The following MORC1 variants were observed in gnomAD, a reference collection of about 807,000 sequenced individuals.
MORC1 encodes the protein MORC family CW-type zinc finger 1, also known as MORC family CW-type zinc finger protein 1.
A neutral mutation model predicts 134.9 loss-of-function variants in MORC1; 59 were observed. That is an observed-to-expected ratio of 0.44 (90% CI 0.35 to 0.54). The LOEUF (loss-of-function observed/expected upper bound fraction) is 0.54. Ranked by LOEUF, MORC1 falls within the 20% of genes least tolerant of loss-of-function variation. The pLI is 0.00. For missense variants in MORC1, 947 were observed against 1,134.5 expected, an observed-to-expected ratio of 0.83 and a Z score of 2.37; for synonymous variants, 395 against 391.7, an observed-to-expected ratio of 1.01 and a Z score of -0.10.
At chr3:109,110,674 T>C (rs2107802211) in intron 3 of MORC1, 75 bp downstream of exon 3, 3 of 1,255,058 alleles carry the variant, frequency 2.4e-6, no homozygotes, top group Non-Finnish European at 3.4e-6. Context: ...TTTTATTTCA[T>C]GAAATAAAAT....
chr3:109,043,038 G>A (rs1216473046), intron 14 of MORC1, among the ~76,000 whole-genome samples: 2 of 151,936 alleles, frequency 1.3e-5, no homozygotes, highest in African/African-American at 4.8e-5. Context: ...AATATGTTAT[G>A]TACTTGAAAA....
chr3:109,073,910 AT>A (rs964848988), intron 8 of MORC1, among the ~76,000 whole-genome samples: 1 of 152,112 alleles, frequency 6.6e-6, no homozygotes, highest in Non-Finnish European at 1.5e-5. Flanking sequence ...CGAAGAGGTA[AT>A]TTTTTTAAAA....
intron 26 of MORC1, among the ~76,000 whole-genome samples, chr3:108,967,766 C>A (rs1456385810): frequency 6.6e-6 from 1 of 151,974 alleles, no homozygotes; most frequent in Non-Finnish European, 1.5e-5. Context: ...GCCAGGAGGA[C>A]TGCTGGAACC....
chr3:109,034,394 C>T (rs1949321637), intron 15 of MORC1, among the ~76,000 whole-genome samples: 1 of 152,100 alleles, frequency 6.6e-6, no homozygotes, highest in Admixed American at 6.6e-5. Flanking sequence ...TAACTCCCTG[C>T]CCCTTTGTGT....
At chr3:109,052,999 A>G (rs1225790684) in intron 14 of MORC1, among the ~76,000 whole-genome samples, 1 of 152,112 alleles carries the variant, frequency 6.6e-6, no homozygotes, top group African/African-American at 2.4e-5. Flanking sequence ...CATGCAGCCA[A>G]CAAACATGAA....
In MORC1 at chr3:109,069,823, A is replaced by G. The variant is rs1420426685; in HGVS notation, c.690-66T>C. 10 of 1,488,168 alleles carry G rather than the reference A, an allele frequency of 6.7e-6. No homozygotes were observed. The East Asian group carries it at 1.9e-4, about 28-fold the overall frequency. 92.2% of individuals were successfully genotyped at this position (1,488,168 alleles called of 1,614,324 possible). ...AACAACTACATCTCTTTGAGAAGAA[A>G]TAACATCAGACTATCAGGTTATTAT... On this transcript the variant is annotated intron_variant, in intron 8 of 27. Transcript: ENST00000232603.
At position 108,979,585 on chromosome 3, in the gene MORC1, C is replaced by G. The variant is rs1296113727; in HGVS notation, c.2407G>C (p.Ala803Pro). 1 of 1,614,190 alleles carries G rather than the reference C, an allele frequency of 6.2e-7. No individual in the cohort carries two copies. The highest frequency in any genetic ancestry group is 8.5e-7 in the Non-Finnish European group (1 of 1,180,006). ...RVSVSGSCKVASSPASSQSTP... is the reference protein window; with the variant it reads ...RVSVSGSCKVPSSPASSQSTP... ...CTTTGAGAAGACGCTGGCGAAGAAG[C>G]AACTTTACAACTGCCACTCACAGAA... The change falls in exon 24 of 28, where the codon GCT (alanine) becomes CCT (proline). Residue 803 changes from alanine (A) to proline (P), a missense_variant. Ala to Pro is a conservative substitution (Grantham distance 27). Around this residue, in one of 3 missense-constraint regions of MORC1, gnomAD observed 722 missense variants for 817.0 expected, o/e 0.88. Transcript: ENST00000232603.
rs757210481 is a variant in MORC1, at chr3:109,099,371, T to C, written c.410A>G (p.Glu137Gly). ...VFFSQTFCEE[E>G]SLSEVVVPMP... ...TTCAACTCTTACCTCACTAAGACTT[T>C]CTTCTTCACAGAATGTCTGAGAAAA... The change falls in exon 6 of 28, where the codon GAA becomes GGA. Residue 137 changes from glutamate (E) to glycine (G), a missense_variant. Physicochemically the swap from Glu to Gly is moderately conservative, Grantham distance 98. Coordinates refer to ENST00000232603, the MANE Select transcript of MORC1 (RefSeq NM_014429.4). The C allele has an allele frequency of 1.9e-6, 3 of 1,610,246 alleles. No individual in the cohort carries two copies. The highest frequency in any genetic ancestry group is 2.5e-6 in the Non-Finnish European group (3 of 1,178,596).
intron 24 of MORC1, among the ~76,000 whole-genome samples, chr3:108,977,367 T>C (rs1216819423): frequency 1.3e-5 from 2 of 152,206 alleles, no homozygotes; most frequent in Non-Finnish European, 2.9e-5. Context: ...ATAGCTATTA[T>C]TGTTATAGCT....
At position 109,005,292 on chromosome 3, in the gene MORC1, G is replaced by C; in HGVS notation, c.1791C>G (p.Ile597Met). 1 of 1,593,842 alleles carries C rather than the reference G, an allele frequency of 6.3e-7. No homozygotes were observed. The highest frequency in any genetic ancestry group is 8.5e-7 in the Non-Finnish European group (1 of 1,174,824). The change falls in exon 19 of 28, where the codon ATC becomes ATG. Residue 597 changes from isoleucine (I) to methionine (M), a missense_variant. Ile to Met is a conservative substitution (Grantham distance 10). This residue lies in a region of MORC1 where 722 missense variants were observed against 817.0 expected (regional missense o/e 0.88). Transcript: ENST00000232603. ...AHKENTKTQK[I>M]RLLGDDLKHE... ...GCTTCAAGTCATCGCCCAAAAGCCT[G>C]ATTTTCTGGGTTTTGGTATTTTCCT...
chr3:109,086,405 T>C (rs1950618093), intron 8 of MORC1, among the ~76,000 whole-genome samples: 1 of 151,922 alleles, frequency 6.6e-6, no homozygotes, highest in Non-Finnish European at 1.5e-5. Flanking sequence ...GTCGAGTTGA[T>C]GGAGAAAGGA....
intron 4 of MORC1, among the ~76,000 whole-genome samples, chr3:109,102,540 C>A (rs778985934): frequency 9.2e-5 from 14 of 152,146 alleles, no homozygotes; most frequent in Non-Finnish European, 2.1e-4. Flanking sequence ...ATTGATCTAG[C>A]TCCGTTTGAA....
intron 11 of MORC1, among the ~76,000 whole-genome samples, chr3:109,061,068 C>T (rs1195843882): frequency 1.3e-5 from 2 of 152,012 alleles, no homozygotes; most frequent in East Asian, 3.9e-4. Context: ...CCACGAGCTA[C>T]TCTTTGATGT....
rs761517512 is a variant in MORC1, at chr3:109,099,392, G to GA, written c.388dup (p.Ser130PhefsTer6). 8.7e-6 allele frequency: 14 copies of GA among 1,611,872 alleles called. No individual in the cohort carries two copies. The African/African-American group carries it at 1.5e-4, about 17-fold the overall frequency. ...ACTTTCTTCTTCACAGAATGTCTGA[G>GA]AAAAAAACACACAGGTCATCGTTTC... is the stretch of plus-strand genomic sequence containing the variant. On this transcript the variant is annotated frameshift_variant, in exon 6 of 28. Coordinates refer to ENST00000232603, the MANE Select transcript of MORC1 (RefSeq NM_014429.4). LOFTEE classifies it high-confidence loss of function.
Position 109,062,016 on chromosome 3 carries a change from C to T in MORC1, c.938G>A (p.Cys313Tyr). Residue 313 changes from cysteine (C) to tyrosine (Y), a missense_variant, in exon 11 of 28, where the codon TGT (cysteine) becomes TAT (tyrosine). Physicochemically the swap from Cys to Tyr is radical, Grantham distance 194 (BLOSUM62 -2). Coordinates refer to ENST00000232603, the MANE Select transcript of MORC1 (RefSeq NM_014429.4). ...GGCAGAAGATAAAGAGGTTCTGTCACACTGGTTTACTTTGATTTGTGCTTC... is the reference window on the plus strand; with the variant it reads ...GGCAGAAGATAAAGAGGTTCTGTCATACTGGTTTACTTTGATTTGTGCTTC... ...LKEAQIKVNQ[C>Y]DRTSLSSAKD... 3.7e-6 allele frequency: 6 copies of T among 1,614,078 alleles called. No homozygotes were observed. Among genetic ancestry groups the T allele is most frequent in the Non-Finnish European group, 5.1e-6 (6 of 1,179,982 alleles).
intron 7 of MORC1, among the ~76,000 whole-genome samples, chr3:109,094,164 A>G (rs1055556756): frequency 3.9e-5 from 6 of 152,202 alleles, no homozygotes; most frequent in African/African-American, 1.4e-4. Context: ...AAGAACAGGT[A>G]TGGGGCCACA....
At chr3:109,078,108 T>A (rs911483540) in intron 8 of MORC1, among the ~76,000 whole-genome samples, 2 of 151,990 alleles carry the variant, frequency 1.3e-5, no homozygotes, top group African/African-American at 2.4e-5. Flanking sequence ...AAATACAAAA[T>A]GTATGTACAT....
intron 9 of MORC1, 53 bp from the exon 10 acceptor site, chr3:109,063,284 A>G: frequency 6.9e-6 from 8 of 1,157,900 alleles, no homozygotes; most frequent in East Asian, 2.4e-5. Context: ...TTTAAAATAC[A>G]TAAGACAATA....
intron 12 of MORC1, among the ~76,000 whole-genome samples, chr3:109,059,564 C>CTT (rs999460852): frequency 6.6e-6 from 1 of 151,426 alleles, no homozygotes; most frequent in Non-Finnish European, 1.5e-5. Context: ...TAATTTTTCA[C>CTT]TTTTTTTTTG....
Sources: gnomAD v4.1 joint callset for allele counts (sites outside exome capture counted in the v4.1 genomes callset) on GRCh38, gnomAD v4.1.1 for gene constraint, gnomAD v4.1.1 regional missense constraint, MANE v1.5 for transcripts, NCBI Gene and HGNC (gene_info 2026-07-23, HGNC 2026-07-21) for gene names.